Variants in IRAG1 observed in about 807,000 individuals in gnomAD.
The protein encoded by IRAG1 is IP3R-associated cGMP kinase substrate.
In IRAG1, 62 loss-of-function variants were observed where a neutral mutation model predicts 106.2. The ratio of observed to expected loss-of-function variants is 0.58; its 90% confidence interval spans 0.48 to 0.72. The LOEUF is 0.72. Among genes scored for constraint, IRAG1 ranks in the 30% least tolerant of loss-of-function variants. The pLI is 0.00. For synonymous variants in IRAG1, 462 were observed against 443.9 expected, an observed-to-expected ratio of 1.04 and a Z score of -0.51; for missense variants, 1,064 against 1,140.7, an observed-to-expected ratio of 0.93 and a Z score of 0.97.
At position 10,667,392 on chromosome 11, in the gene IRAG1, C is replaced by T. The variant is rs575450391; in HGVS notation, c.68-15210G>A. Among the ~76,000 whole-genome samples the T allele has an allele frequency of 2.0e-5, 3 of 152,282 alleles. No individual in the cohort carries two copies. In the South Asian group the frequency reaches 6.2e-4, roughly 32 times the overall value. ...GGTTGGGACTGGTTGGGAGCAGCAG[C>T]TCTGCTCTGCTCAGCCTGCAGGTCA... On this transcript the variant is annotated intron_variant, in intron 1 of 20. Transcript: ENST00000423302.
intron 1 of IRAG1, among the ~76,000 whole-genome samples, chr11:10,686,357 A>C (rs1264646214): frequency 1.3e-5 from 2 of 152,226 alleles, no homozygotes; most frequent in Non-Finnish European, 2.9e-5. Context: ...ATAGAAAGTG[A>C]CTCAAGACAC....
At chr11:10,635,050 A>C (rs968396891) in intron 2 of IRAG1, among the ~76,000 whole-genome samples, 6 of 152,212 alleles carry the variant, frequency 3.9e-5, no homozygotes, top group Non-Finnish European at 8.8e-5. Flanking sequence ...GCAATGCAGG[A>C]AAAGAATGGT....
At chr11:10,613,809 G>T (rs933281785) in intron 10 of IRAG1, among the ~76,000 whole-genome samples, 3 of 152,142 alleles carry the variant, frequency 2.0e-5, no homozygotes, top group Non-Finnish European at 4.4e-5. Context: ...CTTATCTTCC[G>T]TATTCTTGAT....
chr11:10,636,773 G>C (rs777257571), intron 2 of IRAG1, among the ~76,000 whole-genome samples: 4 of 152,230 alleles, frequency 2.6e-5, no homozygotes, highest in Non-Finnish European at 5.9e-5. Flanking sequence ...ACTCTATAGA[G>C]GAGTGGACAT....
chr11:10,651,984 C>T (rs1431707468), intron 2 of IRAG1, 41 bp downstream of exon 2: 10 of 1,518,866 alleles, frequency 6.6e-6, no homozygotes, highest in Non-Finnish European at 8.8e-6. Flanking sequence ...CTTGGCTTGG[C>T]CCCCAGCCAG....
At chr11:10,654,468 C>T (rs1858766120) in intron 1 of IRAG1, among the ~76,000 whole-genome samples, 1 of 152,212 alleles carries the variant, frequency 6.6e-6, no homozygotes, top group Admixed American at 6.5e-5. Context: ...GTTAGGGTGA[C>T]CCCTACTGGT....
At chr11:10,661,090 T>TG (rs57630401) in intron 1 of IRAG1, among the ~76,000 whole-genome samples, 30,959 of 152,088 alleles carry the variant, frequency 0.2, 4,750 homozygotes, top group East Asian at 0.81. Context: ...CCTTTTACCA[T>TG]GGGGGGGCCA....
chr11:10,617,928 T>C (rs970893656), intron 10 of IRAG1, among the ~76,000 whole-genome samples: 1 of 146,984 alleles, frequency 6.8e-6, no homozygotes, highest in African/African-American at 2.7e-5. Context: ...AGGCCAGCTC[T>C]CACAATCTGT....
At chr11:10,620,971 A>G (rs992848371) in intron 10 of IRAG1, among the ~76,000 whole-genome samples, 2 of 152,254 alleles carry the variant, frequency 1.3e-5, no homozygotes, top group African/African-American at 4.8e-5. Flanking sequence ...TGAGTATAAA[A>G]TAACAAGTAA....
chr11:10,589,467 A>G (rs912912183), intron 18 of IRAG1, among the ~76,000 whole-genome samples: 2 of 152,056 alleles, frequency 1.3e-5, no homozygotes, highest in African/African-American at 4.8e-5. Flanking sequence ...ACAGGGTTTC[A>G]CCATCTTGGC....
At chr11:10,686,380 A>G (rs1364025066) in intron 1 of IRAG1, among the ~76,000 whole-genome samples, 1 of 152,228 alleles carries the variant, frequency 6.6e-6, no homozygotes, top group Non-Finnish European at 1.5e-5. Flanking sequence ...AATGTAGGAC[A>G]TGGCATTTCT....
intron 1 of IRAG1, among the ~76,000 whole-genome samples, chr11:10,666,345 C>T (rs1343493044): frequency 6.6e-6 from 1 of 152,208 alleles, no homozygotes; most frequent in Non-Finnish European, 1.5e-5. Flanking sequence ...TTGTTTCAGA[C>T]ATCACAATTA....
chr11:10,600,984 G>C lies in IRAG1; in HGVS notation c.1951C>G (p.His651Asp). Residue 651 changes from histidine (H) to aspartate (D), a missense_variant, in exon 15 of 21, where the codon CAT becomes GAT. By Grantham distance (81) the His-to-Asp change is moderately conservative. Coordinates refer to ENST00000423302, the MANE Select transcript of IRAG1 (RefSeq NM_130385.4). Reference protein sequence around the residue: ...ENLKRTYEKDHAELMEFKKLA... With the variant: ...ENLKRTYEKDDAELMEFKKLA... ...TTTTTAAACTCCATGAGCTCCGCAT[G>C]GTCCTTCTCATACGTCCTCTTTAGA... is the stretch of plus-strand genomic sequence containing the variant. The C allele has an allele frequency of 6.2e-7, 1 of 1,614,064 alleles. No individual in the cohort carries two copies. Among genetic ancestry groups the C allele is most frequent in the South Asian group, 1.1e-5 (1 of 91,090 alleles).
intron 2 of IRAG1, among the ~76,000 whole-genome samples, chr11:10,637,495 C>T (rs1051691314): frequency 1.3e-5 from 2 of 152,148 alleles, no homozygotes; most frequent in African/African-American, 4.8e-5. Flanking sequence ...TGGCTTTATC[C>T]CTCCGTTCCT....
Position 10,625,950 on chromosome 11 carries a change from G to T in IRAG1, c.1368+16C>A. 6.9e-7 allele frequency: 1 copy of T among 1,459,216 alleles called. No individual in the cohort carries two copies. The highest frequency in any genetic ancestry group is 9.1e-7 in the Non-Finnish European group (1 of 1,104,796). The allele number at this position is 1,459,216 out of a possible 1,614,324, so 90.4% of individuals were successfully genotyped here. On this transcript the variant is annotated intron_variant, in intron 9 of 20. Transcript: ENST00000423302. ...CTGGAGTACACACTCTGCCCAACTG[G>T]CCCCCAGGAACCCACCTCTCGGAGC... is the stretch of plus-strand genomic sequence containing the variant.
Position 10,576,161 on chromosome 11 carries a change from G to T in IRAG1, c.*171C>A. 1 of 813,792 alleles carries T rather than the reference G, an allele frequency of 1.2e-6. No homozygotes were observed. Among genetic ancestry groups the T allele is most frequent in the Non-Finnish European group, 1.9e-6 (1 of 531,382 alleles). 50.4% of individuals were successfully genotyped at this position (813,792 alleles called of 1,614,324 possible). ...TTTGTTGATCCTCCAAGAACATCAAGTCACTGTGTATGAATAGCTCCCACA... is the reference window on the plus strand; with the variant it reads ...TTTGTTGATCCTCCAAGAACATCAATTCACTGTGTATGAATAGCTCCCACA... On this transcript the variant is annotated 3_prime_UTR_variant, in exon 21 of 21. Transcript: ENST00000423302.
At chr11:10,650,880 T>C (rs562805379) in intron 2 of IRAG1, among the ~76,000 whole-genome samples, 16 of 152,346 alleles carry the variant, frequency 1.1e-4, no homozygotes, top group Non-Finnish European at 2.4e-4. Flanking sequence ...GATATGCAGA[T>C]ACAAAGGGCC....
intron 4 of IRAG1, among the ~76,000 whole-genome samples, chr11:10,631,530 T>C (rs1856687802): frequency 6.6e-6 from 1 of 152,178 alleles, no homozygotes; most frequent in South Asian, 2.1e-4. Flanking sequence ...TCTCAGTCTC[T>C]TCATAGTCTA....
chr11:10,648,854 C>G (rs1036883454), intron 2 of IRAG1, among the ~76,000 whole-genome samples: 1 of 152,144 alleles, frequency 6.6e-6, no homozygotes, highest in African/African-American at 2.4e-5. Context: ...GAAACAGGAT[C>G]TAGTCCTACA....
Sources: allele counts gnomAD v4.1 joint callset (sites outside exome capture counted in the v4.1 genomes callset), GRCh38; gene constraint gnomAD v4.1.1; transcripts MANE v1.5; gene names NCBI Gene and HGNC (gene_info 2026-07-23, HGNC 2026-07-21).